Variants in EHBP1 observed in about 807,000 individuals in gnomAD.
The protein encoded by EHBP1 is EH domain binding protein 1.
EHBP1 carries 55 observed loss-of-function variants against 144.0 expected under a neutral mutation model. The ratio of observed to expected loss-of-function variants is 0.38; its 90% CI spans 0.31 to 0.48. The LOEUF (loss-of-function observed/expected upper bound fraction) is 0.48, where lower values mean the gene tolerates loss of function less well. Ranked by LOEUF, EHBP1 falls within the 20% of genes least tolerant of loss-of-function variation. The probability of loss-of-function intolerance (pLI) is 0.98; values close to 1 mark genes in which losing one functional copy is unlikely to be tolerated. For missense variants in EHBP1, 1,200 were observed against 1,364.2 expected (o/e 0.88, Z 1.90); for synonymous variants, 469 against 472.7 (o/e 0.99, Z 0.10).
At chr2:62,950,415 T>C (rs2057313492) in intron 13 of EHBP1, among the ~76,000 whole-genome samples, 4 of 152,220 alleles carry the variant, frequency 2.6e-5, no homozygotes, top group Admixed American at 6.5e-5. Flanking sequence ...TTCTTTTATA[T>C]TGAGATTTAC....
chr2:62,716,183 C>G (rs1298624033), intron 2 of EHBP1, among the ~76,000 whole-genome samples: 2 of 152,104 alleles, frequency 1.3e-5, no homozygotes, highest in East Asian at 3.9e-4. Flanking sequence ...CCCCGCAACC[C>G]CCCACCACGC....
chr2:62,830,690 G>C (rs2046766730), intron 6 of EHBP1, among the ~76,000 whole-genome samples: 1 of 152,022 alleles, frequency 6.6e-6, no homozygotes, highest in South Asian at 2.1e-4. Context: ...TTTGCTTTGG[G>C]GTTCTTGGTC....
At chr2:62,793,490 G>A (rs2043310124) in intron 5 of EHBP1, among the ~76,000 whole-genome samples, 1 of 152,036 alleles carries the variant, frequency 6.6e-6, no homozygotes, top group South Asian at 2.1e-4. Context: ...TTTGTGACTA[G>A]GTTCAGCGTT....
chr2:62,796,405 T>C (rs2043540274), intron 5 of EHBP1, among the ~76,000 whole-genome samples: 1 of 152,186 alleles, frequency 6.6e-6, no homozygotes, highest in Non-Finnish European at 1.5e-5. Context: ...TGGATCAAGA[T>C]GACTAGGTTA....
At chr2:62,699,512 C>T (rs1204056164) in intron 1 of EHBP1, among the ~76,000 whole-genome samples, 1 of 152,186 alleles carries the variant, frequency 6.6e-6, no homozygotes, top group African/African-American at 2.4e-5. Context: ...TTGACATACA[C>T]ATTTGTGGAC....
chr2:62,846,017 C>T (rs990237891), intron 7 of EHBP1, among the ~76,000 whole-genome samples: 5 of 152,114 alleles, frequency 3.3e-5, no homozygotes, highest in Non-Finnish European at 5.9e-5. Context: ...GAGAGACTGA[C>T]GTCATCAGGA....
At chr2:62,892,524 T>C (rs1409744635) in intron 10 of EHBP1, among the ~76,000 whole-genome samples, 2 of 152,256 alleles carry the variant, frequency 1.3e-5, no homozygotes, top group East Asian at 3.9e-4. Flanking sequence ...TAAATATATA[T>C]GTAATGTGCA....
chr2:62,966,520 T>C (rs1261953733), intron 14 of EHBP1, among the ~76,000 whole-genome samples: 1 of 152,206 alleles, frequency 6.6e-6, no homozygotes, highest in Non-Finnish European at 1.5e-5. Flanking sequence ...CAGTGGTTGC[T>C]GTGCAGTAGA....
chr2:62,828,324 A>G (rs916117891), intron 6 of EHBP1, among the ~76,000 whole-genome samples: 14 of 152,232 alleles, frequency 9.2e-5, no homozygotes, highest in African/African-American at 2.9e-4. Flanking sequence ...CATTCACTGT[A>G]GTTTATTTGA....
At chr2:63,026,294 T>TTGTGTG (rs60109170) in intron 19 of EHBP1, among the ~76,000 whole-genome samples, 4,357 of 129,028 alleles carry the variant, frequency 0.034, 95 homozygotes, top group East Asian at 0.086. Flanking sequence ...GCTCTCTACC[T>TTGTGTG]TGTGTGTGTG....
rs138298583 is a variant in EHBP1 at position 62,878,430 on chromosome 2, A to G, written c.1185+3898A>G. Among the ~76,000 whole-genome samples the G allele has an allele frequency of 6.1e-4, 93 of 152,332 alleles. No individual in the cohort carries two copies. In the East Asian group the frequency reaches 0.014, roughly 23 times the overall value. On this transcript the variant is annotated intron_variant, in intron 10 of 22. Transcript: ENST00000431489. ...CAATCCTACTGAAACTTTCCAAAAA[A>G]AATAAGATGAGGGACTCCTCTCTAA... is the stretch of plus-strand genomic sequence containing the variant.
chr2:62,898,410 G>A (rs900696988), intron 10 of EHBP1, among the ~76,000 whole-genome samples: 1 of 152,114 alleles, frequency 6.6e-6, no homozygotes, highest in Non-Finnish European at 1.5e-5. Flanking sequence ...GTTTTGTTTT[G>A]TGCATATCTT....
At chr2:62,912,603 C>A (rs907914412) in intron 10 of EHBP1, among the ~76,000 whole-genome samples, 2 of 152,046 alleles carry the variant, frequency 1.3e-5, no homozygotes, top group Non-Finnish European at 2.9e-5. Context: ...CTTGTATGCC[C>A]ATCTTTCAAG....
At chr2:62,703,828 A>AT (rs1216957838), upstream of EHBP1, among the ~76,000 whole-genome samples, 2 of 152,132 alleles carry the variant, frequency 1.3e-5, no homozygotes, top group African/African-American at 2.4e-5. Context: ...CAGTCTCTCT[A>AT]TTTTTTCTCT....
chr2:62,676,938 C>T, intron 1 of EHBP1, among the ~76,000 whole-genome samples: 1 of 152,130 alleles, frequency 6.6e-6, no homozygotes, highest in East Asian at 1.9e-4. Context: ...CTTTGGGAGG[C>T]CAAGGCAGGA....
rs190688680 is a variant in EHBP1, at chr2:62,726,269, C to G, written c.104+18974C>G. Among the ~76,000 whole-genome samples the G allele has an allele frequency of 3.3e-5, 5 of 152,358 alleles. No homozygotes were observed. The East Asian group carries it at 9.6e-4, about 29-fold the overall frequency. On this transcript the variant is annotated intron_variant, in intron 2 of 22. Transcript: ENST00000431489. Reference sequence around the variant, plus strand: ...CGAGTGTCCATTGTGGTGGAGGAGTCTCCTCTTGCCAGGATTCCAGAGGTC... The same window carrying G: ...CGAGTGTCCATTGTGGTGGAGGAGTGTCCTCTTGCCAGGATTCCAGAGGTC...
intron 19 of EHBP1, among the ~76,000 whole-genome samples, chr2:63,037,037 G>A (rs558098590): frequency 6.6e-6 from 1 of 151,910 alleles, no homozygotes; most frequent in African/African-American, 2.4e-5. Flanking sequence ...GGGATGATGA[G>A]TTCCAAAATG....
intron 2 of EHBP1, among the ~76,000 whole-genome samples, chr2:62,728,559 G>A (rs2037074186): frequency 6.6e-6 from 1 of 152,088 alleles, no homozygotes; most frequent in Non-Finnish European, 1.5e-5. Context: ...GGAGAAATGT[G>A]TATTGTAATC....
At chr2:62,734,039 A>G (rs2037867381) in intron 2 of EHBP1, among the ~76,000 whole-genome samples, 1 of 151,916 alleles carries the variant, frequency 6.6e-6, no homozygotes, top group South Asian at 2.1e-4. Flanking sequence ...TTGTTTTTTT[A>G]TGTTGTGGGG....
Sources: allele counts gnomAD v4.1 joint callset (sites outside exome capture counted in the v4.1 genomes callset), GRCh38; gene constraint gnomAD v4.1.1; transcripts MANE v1.5; gene names NCBI Gene and HGNC (gene_info 2026-07-23, HGNC 2026-07-21).